The following DHX15 variants were observed in gnomAD, a reference collection of about 807,000 sequenced individuals.
The protein encoded by DHX15 is DEAH-box helicase 15, also known as ATP-dependent RNA helicase DHX15.
In DHX15, 11 loss-of-function variants were observed where a neutral mutation model predicts 94.4. The ratio of observed to expected loss-of-function variants is 0.12; its 90% confidence interval spans 0.07 to 0.19. The LOEUF (loss-of-function observed/expected upper bound fraction) is 0.19, where lower values mean the gene tolerates loss of function less well. DHX15 is among the 10% of genes least tolerant of loss of function. The pLI, the probability that DHX15 is intolerant of heterozygous loss-of-function variation, is 1.00. For missense variants in DHX15, 304 were observed against 988.5 expected, an observed-to-expected ratio of 0.31 and a Z score of 9.29; for synonymous variants, 338 against 329.9, an observed-to-expected ratio of 1.02 and a Z score of -0.27.
In DHX15 at chr4:24,527,754, A is replaced by C. The variant is rs912352329; in HGVS notation, c.*170T>G. ...TACAGTGTCAACACAAAAGGGAGGC[A>C]TAAATGTTTAATTTATGAAATCAGA... On this transcript the variant is annotated 3_prime_UTR_variant, in exon 14 of 14. Coordinates refer to ENST00000336812, the MANE Select transcript of DHX15 (RefSeq NM_001358.3). 1 of 543,604 alleles carries C rather than the reference A, an allele frequency of 1.8e-6. No individual in the cohort carries two copies. The highest frequency in any genetic ancestry group is 1.9e-5 in the African/African-American group (1 of 53,336). The allele number at this position is 543,604 out of a possible 1,614,324, so 33.7% of individuals were successfully genotyped here.
chr4:24,577,633 T>C (rs1468773230), intron 1 of DHX15, among the ~76,000 whole-genome samples: 2 of 152,146 alleles, frequency 1.3e-5, no homozygotes, highest in Admixed American at 6.5e-5. Flanking sequence ...CAATTTTAAG[T>C]AGTCAATGCT....
intron 1 of DHX15, among the ~76,000 whole-genome samples, chr4:24,579,569 C>G (rs957733593): frequency 6.6e-6 from 1 of 152,176 alleles, no homozygotes; most frequent in Admixed American, 6.6e-5. Flanking sequence ...GAACATACTG[C>G]TCTGTACTGT....
intron 3 of DHX15, among the ~76,000 whole-genome samples, chr4:24,559,391 A>AAAG (rs1560770468): frequency 6.6e-6 from 1 of 151,620 alleles, no homozygotes; most frequent in East Asian, 1.9e-4. Flanking sequence ...AAAAAAAAAA[A>AAAG]AAAAAGAAAC....
At chr4:24,551,604 AAAT>A (rs1160579212) in intron 5 of DHX15, among the ~76,000 whole-genome samples, 1 of 152,202 alleles carries the variant, frequency 6.6e-6, no homozygotes, top group Non-Finnish European at 1.5e-5. Context: ...TCTAAATAAA[AAAT>A]ATAACAAAGC....
At chr4:24,577,337 TTTG>T (rs1444768833) in intron 1 of DHX15, among the ~76,000 whole-genome samples, 1 of 152,182 alleles carries the variant, frequency 6.6e-6, no homozygotes, top group African/African-American at 2.4e-5. Context: ...GACTGCAGAA[TTTG>T]TTTTCTTAGT....
At chr4:24,552,826 A>G (rs1281742413) in intron 5 of DHX15, among the ~76,000 whole-genome samples, 1 of 152,216 alleles carries the variant, frequency 6.6e-6, no homozygotes, top group Admixed American at 6.5e-5. Flanking sequence ...ATTTCATGAA[A>G]GACACTCTAG....
intron 1 of DHX15, among the ~76,000 whole-genome samples, chr4:24,580,226 A>G (rs751381470): frequency 6.6e-6 from 1 of 152,170 alleles, no homozygotes; most frequent in Non-Finnish European, 1.5e-5. Context: ...TGAGCAATAC[A>G]GTGAGACCCC....
At chr4:24,557,404 T>G (rs1721761562) in intron 3 of DHX15, among the ~76,000 whole-genome samples, 1 of 152,172 alleles carries the variant, frequency 6.6e-6, no homozygotes, top group Non-Finnish European at 1.5e-5. Context: ...GAATTCACCA[T>G]TTTGGCTCTT....
intron 6 of DHX15, among the ~76,000 whole-genome samples, chr4:24,547,897 GTATGTGTATATATA>G (rs1318502137): frequency 0.028 from 1,562 of 55,696 alleles, 40 homozygotes; most frequent in South Asian, 0.054. Flanking sequence ...CTCTATGTAT[GTATGTGTATATATA>G]TATATATATA....
intron 2 of DHX15, among the ~76,000 whole-genome samples, chr4:24,573,139 G>C (rs1722160278): frequency 6.6e-6 from 1 of 152,164 alleles, no homozygotes; most frequent in Non-Finnish European, 1.5e-5. Flanking sequence ...TCAAACCCCT[G>C]ACCTCAGGTA....
At chr4:24,579,395 A>G (rs943899810) in intron 1 of DHX15, among the ~76,000 whole-genome samples, 1 of 152,228 alleles carries the variant, frequency 6.6e-6, no homozygotes, top group Non-Finnish European at 1.5e-5. Flanking sequence ...TATTGTGCAC[A>G]TGCGTGTTTT....
At position 24,532,835 on chromosome 4, in the gene DHX15, A is replaced by G. The variant is rs777739270; in HGVS notation, c.2100+29T>C. ...AGAAATCAGTGTCATATGAATACTT[A>G]GTTATTCATTCCCATATTATCTACA... On this transcript the variant is annotated intron_variant, in intron 12 of 13. Coordinates refer to ENST00000336812, the MANE Select transcript of DHX15 (RefSeq NM_001358.3). The G allele has an allele frequency of 4.0e-5, 60 of 1,492,278 alleles. No individual in the cohort carries two copies. In the South Asian group the frequency reaches 7.6e-4, roughly 19 times the overall value. 92.4% of individuals were successfully genotyped at this position (1,492,278 alleles called of 1,614,324 possible).
intron 5 of DHX15, among the ~76,000 whole-genome samples, chr4:24,553,835 T>A (rs1272549655): frequency 6.6e-6 from 1 of 152,110 alleles, no homozygotes; most frequent in African/African-American, 2.4e-5. Flanking sequence ...TTTTTAAAAC[T>A]TTGTATTATC....
intron 5 of DHX15, among the ~76,000 whole-genome samples, chr4:24,551,148 G>T (rs1228172627): frequency 2.0e-5 from 3 of 152,166 alleles, no homozygotes; most frequent in Non-Finnish European, 4.4e-5. Flanking sequence ...GAGAGGCAAA[G>T]GAACTTAAAA....
rs149564858 is a variant in DHX15 at position 24,529,726 on chromosome 4, A to G, written c.2145T>C (p.Asp715=). 52 of 1,614,120 alleles carry G rather than the reference A, an allele frequency of 3.2e-5. No homozygotes were observed. Among genetic ancestry groups the G allele is most frequent in the Middle Eastern group, 3.3e-4 (2 of 6,084 alleles). ...AGGGATGCAACTGAACCACCTGGTT[A>G]TCTTTCACAGTTAAGTAATGCCCTG... ...ERTGHYLTVK[D]NQVVQLHPST... is the part of the protein sequence containing the mutation. The change falls in exon 13 of 14, where the codon GAT becomes GAC. Residue 715 remains aspartate (D), a synonymous_variant. Transcript: ENST00000336812.
intron 12 of DHX15, 36 bp downstream of exon 12, chr4:24,532,828 A>G (rs1205577714): frequency 1.4e-6 from 2 of 1,468,382 alleles, no homozygotes; most frequent in Non-Finnish European, 1.9e-6. Flanking sequence ...GTGTCATATG[A>G]ATACTTAGTT....
At chr4:24,545,726 G>A (rs1178866220) in intron 6 of DHX15, among the ~76,000 whole-genome samples, 1 of 152,168 alleles carries the variant, frequency 6.6e-6, no homozygotes, top group Non-Finnish European at 1.5e-5. Flanking sequence ...AATTGTAAAT[G>A]GCACACCATA....
intron 1 of DHX15, chr4:24,580,749 C>T (rs1303228992): frequency 1.3e-5 from 2 of 151,968 alleles, no homozygotes; most frequent in Admixed American, 6.6e-5. Context: ...AACTCCTGAC[C>T]TCAGGTGATC....
chr4:24,527,717 T>G lies in DHX15; in HGVS notation c.*207A>C. On this transcript the variant is annotated 3_prime_UTR_variant, in exon 14 of 14. Coordinates refer to ENST00000336812, the MANE Select transcript of DHX15 (RefSeq NM_001358.3). ...AAACTGCAAAACATTGATCGACTTT[T>G]CCAGTATGAGCTACAGTGTCAACAC... 2.1e-6 allele frequency: 1 copy of G among 478,416 alleles called. No homozygotes were observed. The highest frequency in any genetic ancestry group is 4.5e-5 in the South Asian group (1 of 22,084). 29.6% of individuals were successfully genotyped at this position (478,416 alleles called of 1,614,324 possible). A position where few individuals can be genotyped will look rare whatever the true frequency, so the allele number is the denominator to read the frequency against.
Sources: allele counts gnomAD v4.1 joint callset (sites outside exome capture counted in the v4.1 genomes callset), GRCh38; gene constraint gnomAD v4.1.1; transcripts MANE v1.5; gene names NCBI Gene and HGNC (gene_info 2026-07-23, HGNC 2026-07-21).